The following SYT2 variants were observed in gnomAD, a reference collection of about 807,000 sequenced individuals.
SYT2 encodes synaptotagmin 2, also known as synaptotagmin-2.
In SYT2, 15 loss-of-function variants were observed where a neutral mutation model predicts 39.9. That is an observed-to-expected ratio of 0.38 (90% CI 0.25 to 0.58). The LOEUF (loss-of-function observed/expected upper bound fraction) is 0.58. Among genes scored for constraint, SYT2 ranks in the 20% least tolerant of loss-of-function variants. The probability of loss-of-function intolerance (pLI) is 0.70; values close to 1 mark genes in which losing one functional copy is unlikely to be tolerated. For synonymous variants in SYT2, 181 were observed against 204.5 expected, an observed-to-expected ratio of 0.89 and a Z score of 0.98; for missense variants, 389 against 530.3, an observed-to-expected ratio of 0.73 and a Z score of 2.62.
intron 1 of SYT2, among the ~76,000 whole-genome samples, chr1:202,672,616 C>T (rs1033379181): frequency 3.4e-5 from 5 of 148,906 alleles, no homozygotes; most frequent in Non-Finnish European, 5.9e-5. Flanking sequence ...TCAAGTTTAA[C>T]ACAGCTGAAG....
At chr1:202,699,007 TG>T (rs1380713434) in intron 1 of SYT2, among the ~76,000 whole-genome samples, 1 of 132,694 alleles carries the variant, frequency 7.5e-6, no homozygotes, top group Non-Finnish European at 1.6e-5. Flanking sequence ...GTAACCAAAC[TG>T]TCTTTTTTTT....
At chr1:202,631,950 T>C (rs1691605602) in intron 1 of SYT2, 2 of 855,114 alleles carry the variant, frequency 2.3e-6, no homozygotes, top group Middle Eastern at 5.9e-4. Flanking sequence ...ATTGGCCTCA[T>C]TCGCCAGGCC....
At chr1:202,671,318 C>A (rs370490218) in intron 1 of SYT2, among the ~76,000 whole-genome samples, 2 of 152,216 alleles carry the variant, frequency 1.3e-5, no homozygotes, top group East Asian at 3.8e-4. Flanking sequence ...AAGCTCATGG[C>A]GGTGGAGGCC....
chr1:202,599,607 T>C lies in SYT2; in HGVS notation c.920-256A>G, dbSNP rs907697. Reference sequence around the variant, plus strand: ...GGCATTTCTGAGTCTAAGTAAGGCCTTGTGAGAAAGAGTCTGGGGATTCAT... The same window carrying C: ...GGCATTTCTGAGTCTAAGTAAGGCCCTGTGAGAAAGAGTCTGGGGATTCAT... On this transcript the variant is annotated intron_variant, in intron 7 of 8. Coordinates refer to ENST00000367268, the MANE Select transcript of SYT2 (RefSeq NM_177402.5). The surrounding 1 kb of genome is among the most constrained non-coding windows in gnomAD (Gnocchi z 4.4). Among the ~76,000 whole-genome samples, 64,495 of 151,910 alleles carry C rather than the reference T, an allele frequency of 0.42. 15,973 individuals are homozygous for C. Among genetic ancestry groups the C allele is most frequent in the Non-Finnish European group, 0.55 (37,685 of 67,918 alleles).
At chr1:202,677,489 GAGA>G (rs762396968) in intron 1 of SYT2, among the ~76,000 whole-genome samples, 2 of 152,198 alleles carry the variant, frequency 1.3e-5, no homozygotes, top group Non-Finnish European at 2.9e-5. Flanking sequence ...GATCCATATG[GAGA>G]AGAACAGAAA....
In SYT2 at chr1:202,601,209, A is replaced by G. The variant is rs568086899; in HGVS notation, c.801+681T>C. On this transcript the variant is annotated intron_variant, in intron 6 of 8. Transcript: ENST00000367268. This position sits in a 1 kb window ranked among gnomAD's most constrained non-coding sequence, Gnocchi z 4.0. ...GCAGAGTCAAAGCTGCTCAAAGTCA[A>G]AGCCACCCAGGGCAAGACTGACGAC... Among the ~76,000 whole-genome samples the G allele has an allele frequency of 7.9e-5, 12 of 152,180 alleles. No individual in the cohort carries two copies. Among genetic ancestry groups the G allele is most frequent in the Non-Finnish European group, 1.6e-4 (11 of 68,026 alleles).
At chr1:202,600,581 C>T in intron 6 of SYT2, 107 bp from the exon 7 acceptor site, 1 of 935,246 alleles carries the variant, frequency 1.1e-6, no homozygotes, top group Non-Finnish European at 1.7e-6. Flanking sequence ...GTGTCCCTGC[C>T]TCCCTCATCA....
rs1558417116 is a variant in SYT2 at position 202,593,667 on chromosome 1, A to G, written c.*3090T>C. 1.3e-5 allele frequency: 2 copies of G among 152,170 alleles called. No individual in the cohort carries two copies. Among genetic ancestry groups the G allele is most frequent in the Non-Finnish European group, 1.5e-5 (1 of 68,046 alleles). The allele number at this position is 152,170 out of a possible 1,614,324, so 9.4% of individuals were successfully genotyped here. A position where few individuals can be genotyped will look rare whatever the true frequency, so the allele number is the denominator to read the frequency against. The stretch of plus-strand genomic sequence containing the variant: ...GCCTCAGCTTCCACTTCCAAAGCCC[A>G]AAAATCTGCCTGTAGCTCTGGCAGA... On this transcript the variant is annotated 3_prime_UTR_variant, in exon 9 of 9. Coordinates refer to ENST00000367268, the MANE Select transcript of SYT2 (RefSeq NM_177402.5).
intron 1 of SYT2, among the ~76,000 whole-genome samples, chr1:202,660,899 C>T (rs1692363981): frequency 6.6e-6 from 1 of 152,206 alleles, no homozygotes; most frequent in Non-Finnish European, 1.5e-5. Context: ...CAAGCTTCGT[C>T]TCCCCCAGCC....
At chr1:202,708,786 C>A (rs890164046) in intron 1 of SYT2, among the ~76,000 whole-genome samples, 1 of 152,244 alleles carries the variant, frequency 6.6e-6, no homozygotes. Context: ...CCACCTGCCA[C>A]TCGGGCCCGC....
At chr1:202,627,683 C>T (rs1304068564) in intron 1 of SYT2, 16 of 963,592 alleles carry the variant, frequency 1.7e-5, no homozygotes, top group Non-Finnish European at 1.9e-5. Context: ...GAGTTGTCTG[C>T]CTTACCCAAA....
intron 1 of SYT2, among the ~76,000 whole-genome samples, chr1:202,656,697 C>T (rs1692283661): frequency 6.6e-6 from 1 of 152,232 alleles, no homozygotes; most frequent in South Asian, 2.1e-4. Flanking sequence ...ACAGCCATGA[C>T]ATAGGTAAGT....
intron 1 of SYT2, among the ~76,000 whole-genome samples, chr1:202,687,249 C>T (rs1201508565): frequency 1.3e-5 from 2 of 152,124 alleles, no homozygotes; most frequent in African/African-American, 2.4e-5. Flanking sequence ...CCCTACGACC[C>T]AGCCCCTGGT....
intron 1 of SYT2, among the ~76,000 whole-genome samples, chr1:202,608,507 C>G (rs1443791780): frequency 6.6e-6 from 1 of 152,102 alleles, no homozygotes; most frequent in Non-Finnish European, 1.5e-5. Flanking sequence ...GAGCTCCTGG[C>G]CTCAAGCAAT....
chr1:202,642,456 G>A (rs1691942976), intron 1 of SYT2, among the ~76,000 whole-genome samples: 1 of 152,028 alleles, frequency 6.6e-6, no homozygotes. Context: ...AGGTCACACA[G>A]CAAACTGAGT....
intron 1 of SYT2, among the ~76,000 whole-genome samples, chr1:202,649,331 A>T (rs1025845794): frequency 2.0e-5 from 3 of 152,366 alleles, no homozygotes; most frequent in Non-Finnish European, 4.4e-5. Flanking sequence ...AAGAGCAAGT[A>T]GGTGCCTGGA....
intron 1 of SYT2, among the ~76,000 whole-genome samples, chr1:202,661,870 A>G (rs996225486): frequency 5.9e-5 from 9 of 152,180 alleles, no homozygotes; most frequent in African/African-American, 2.2e-4. Context: ...TATTTCATTA[A>G]TGCACGCATT....
chr1:202,624,647 T>C (rs1691307125), intron 1 of SYT2, among the ~76,000 whole-genome samples: 1 of 112,888 alleles, frequency 8.9e-6, no homozygotes, highest in Non-Finnish European at 1.9e-5. Context: ...TGTAGCACAG[T>C]GTCTGGTGTG....
chr1:202,661,575 C>T (rs1692381640), intron 1 of SYT2, among the ~76,000 whole-genome samples: 1 of 152,190 alleles, frequency 6.6e-6, no homozygotes, highest in African/African-American at 2.4e-5. Flanking sequence ...CGGCAGCCTT[C>T]ACACAGCCTG....
Sources: gnomAD v4.1 joint callset for allele counts (sites outside exome capture counted in the v4.1 genomes callset) on GRCh38, gnomAD v4.1.1 for gene constraint, Gnocchi (gnomAD v3.1) non-coding constraint, MANE v1.5 for transcripts, NCBI Gene and HGNC (gene_info 2026-07-23, HGNC 2026-07-21) for gene names.